Variants in KCNIP4 observed in about 807,000 individuals in gnomAD.
The protein encoded by KCNIP4 is Kv channel-interacting protein 4.
A neutral mutation model predicts 34.0 loss-of-function variants in KCNIP4; 12 were observed. The observed-to-expected ratio is 0.35, with a 90% confidence interval of 0.23 to 0.57. KCNIP4 has a LOEUF of 0.57. Ranked by LOEUF, KCNIP4 falls within the 20% of genes least tolerant of loss-of-function variation. KCNIP4 has a pLI of 0.83. For synonymous variants in KCNIP4, 124 were observed against 102.2 expected, an observed-to-expected ratio of 1.21 and a Z score of -1.29; for missense variants, 238 against 311.7, an observed-to-expected ratio of 0.76 and a Z score of 1.78.
At chr4:21,694,444 A>G (rs915193362) in intron 1 of KCNIP4, among the ~76,000 whole-genome samples, 1 of 152,162 alleles carries the variant, frequency 6.6e-6, no homozygotes, top group Admixed American at 6.5e-5. Context: ...TTTAAAAAGC[A>G]TATGTTTTTA....
chr4:20,916,985 T>TTATATA (rs1157104290), intron 1 of KCNIP4, among the ~76,000 whole-genome samples: 3 of 41,368 alleles, frequency 7.3e-5, no homozygotes, highest in East Asian at 5.0e-4. Flanking sequence ...CATCTTATGT[T>TTATATA]TATATATATA....
chr4:20,920,787 C>T (rs1014798140), intron 1 of KCNIP4, among the ~76,000 whole-genome samples: 4 of 152,028 alleles, frequency 2.6e-5, no homozygotes, highest in Non-Finnish European at 4.4e-5. Context: ...GTCAGGAGTT[C>T]GAGACCAGCC....
intron 1 of KCNIP4, among the ~76,000 whole-genome samples, chr4:21,462,676 T>TATG (rs1383398268): frequency 2.0e-5 from 3 of 152,032 alleles, no homozygotes; most frequent in African/African-American, 7.3e-5. Context: ...TGTGTTAGGT[T>TATG]TATTTCAGTT....
Position 21,514,399 on chromosome 4 carries a change from A to G in KCNIP4, c.61+434172T>C, listed in dbSNP as rs562611989. Among the ~76,000 whole-genome samples, 3 of 152,308 alleles carry G rather than the reference A, an allele frequency of 2.0e-5. No homozygotes were observed. In the South Asian group the frequency reaches 6.2e-4, roughly 32 times the overall value. On this transcript the variant is annotated intron_variant, in intron 1 of 8. Transcript: ENST00000382152. The stretch of plus-strand genomic sequence containing the variant: ...CAAGCCTAATGTTTTTCAACACAGC[A>G]CACAGAGGAAAAGGACAGATATTTT...
intron 1 of KCNIP4, among the ~76,000 whole-genome samples, chr4:21,345,582 T>TA (rs903162987): frequency 3.2e-4 from 48 of 151,474 alleles, no homozygotes; most frequent in African/African-American, 8.5e-4. Flanking sequence ...CACTTTTTAA[T>TA]AAAAAAAAAT....
chr4:21,466,900 T>G (rs1444005254), intron 1 of KCNIP4, among the ~76,000 whole-genome samples: 1 of 151,986 alleles, frequency 6.6e-6, no homozygotes, highest in Non-Finnish European at 1.5e-5. Flanking sequence ...AGAGACAATA[T>G]ATCACTCAGT....
At chr4:20,873,011 G>A (rs796963996) in intron 2 of KCNIP4, among the ~76,000 whole-genome samples, 5 of 152,148 alleles carry the variant, frequency 3.3e-5, no homozygotes, top group African/African-American at 1.2e-4. Context: ...TATCATTTTG[G>A]TGGAGTCACT....
intron 1 of KCNIP4, among the ~76,000 whole-genome samples, chr4:21,605,948 T>C (rs1051968638): frequency 6.6e-6 from 1 of 152,160 alleles, no homozygotes; most frequent in Non-Finnish European, 1.5e-5. Flanking sequence ...AACCATCCTC[T>C]GTTGTCTTAG....
chr4:21,039,940 C>T (rs981614331), intron 1 of KCNIP4, among the ~76,000 whole-genome samples: 2 of 152,158 alleles, frequency 1.3e-5, no homozygotes, highest in African/African-American at 4.8e-5. Flanking sequence ...CACAGTTCCT[C>T]ATGGCTGGGG....
Position 20,822,144 on chromosome 4 carries a change from G to T in KCNIP4, c.288+28399C>A, listed in dbSNP as rs554237098. The stretch of plus-strand genomic sequence containing the variant: ...TAAACAGAAAACCCACAGAGTGGGA[G>T]AAAATATTTGGAAACTATACATCCA... On this transcript the variant is annotated intron_variant, in intron 3 of 8. Coordinates refer to ENST00000382152, the MANE Select transcript of KCNIP4 (RefSeq NM_025221.6). Among the ~76,000 whole-genome samples, 48 of 152,224 alleles carry T rather than the reference G, an allele frequency of 3.2e-4. 1 individual carries two copies. The highest frequency in any genetic ancestry group is 1.2e-3 in the African/African-American group (48 of 41,532).
intron 1 of KCNIP4, among the ~76,000 whole-genome samples, chr4:21,450,045 A>T (rs891229745): frequency 1.3e-5 from 2 of 152,168 alleles, no homozygotes; most frequent in Non-Finnish European, 2.9e-5. Context: ...TTTCCTCTTC[A>T]TTGGGAAAAC....
At chr4:21,244,906 T>C (rs1487127892) in intron 1 of KCNIP4, among the ~76,000 whole-genome samples, 1 of 152,250 alleles carries the variant, frequency 6.6e-6, no homozygotes, top group Non-Finnish European at 1.5e-5. Context: ...AATTTTATTT[T>C]ATAAAAAAGT....
intron 1 of KCNIP4, among the ~76,000 whole-genome samples, chr4:21,206,143 G>A (rs1041461194): frequency 2.6e-5 from 4 of 152,132 alleles, no homozygotes; most frequent in African/African-American, 9.7e-5. Context: ...GTCTAGATAA[G>A]CTTCACTCCA....
chr4:21,723,910 T>A (rs951264681), intron 1 of KCNIP4, among the ~76,000 whole-genome samples: 1 of 152,096 alleles, frequency 6.6e-6, no homozygotes, highest in Non-Finnish European at 1.5e-5. Flanking sequence ...GATCATTTTA[T>A]AATCTTTAGG....
chr4:20,779,591 AC>A (rs1560459423), intron 3 of KCNIP4, among the ~76,000 whole-genome samples: 10 of 21,638 alleles, frequency 4.6e-4, no homozygotes, highest in African/African-American at 1.7e-3. Flanking sequence ...CCCCCCCCAC[AC>A]AAAAAAGAAA....
intron 1 of KCNIP4, among the ~76,000 whole-genome samples, chr4:21,078,801 A>T (rs1409623220): frequency 6.6e-6 from 1 of 152,078 alleles, no homozygotes; most frequent in Non-Finnish European, 1.5e-5. Flanking sequence ...AAATTCTGCT[A>T]GTGTGGTACT....
intron 1 of KCNIP4, among the ~76,000 whole-genome samples, chr4:21,365,635 C>T (rs964254638): frequency 6.6e-6 from 1 of 151,884 alleles, no homozygotes; most frequent in African/African-American, 2.4e-5. Flanking sequence ...AAGCCATCTG[C>T]AGTTTGTTTC....
intron 1 of KCNIP4, among the ~76,000 whole-genome samples, chr4:21,538,993 G>A (rs1414761170): frequency 1.3e-5 from 2 of 152,126 alleles, no homozygotes. Flanking sequence ...TCTCCTGACG[G>A]TGAATGACTT....
chr4:21,879,413 C>A (rs1578103588), intron 1 of KCNIP4, among the ~76,000 whole-genome samples: 1 of 152,344 alleles, frequency 6.6e-6, no homozygotes, highest in African/African-American at 2.4e-5. Context: ...TCACTCCTCT[C>A]AAATCAGAGG....
Sources: gnomAD v4.1 joint callset for allele counts (sites outside exome capture counted in the v4.1 genomes callset) on GRCh38, gnomAD v4.1.1 for gene constraint, MANE v1.5 for transcripts, NCBI Gene and HGNC (gene_info 2026-07-23, HGNC 2026-07-21) for gene names.